The following MID2 variants were observed in gnomAD, a reference collection of about 807,000 sequenced individuals.
MID2 encodes midline 2.
MID2 carries 13 observed loss-of-function variants against 46.1 expected under a neutral mutation model. The observed-to-expected ratio is 0.28, with a 90% CI of 0.18 to 0.45. The LOEUF is 0.45. Ranked by LOEUF, MID2 falls within the 20% of genes least tolerant of loss-of-function variation. The probability of loss-of-function intolerance (pLI) is 1.00; values close to 1 mark genes in which losing one functional copy is unlikely to be tolerated. For synonymous variants in MID2, 199 were observed against 212.3 expected (o/e 0.94, Z 0.55); for missense variants, 431 against 575.4 (o/e 0.75, Z 2.57).
intron 3 of MID2, chrX:107,895,522 C>T (rs1439500535): frequency 8.9e-6 from 1 of 111,969 alleles, no homozygotes; most frequent in African/African-American, 3.2e-5. Flanking sequence ...TTTTTTATTA[C>T]TAAGTAGTAT....
intron 3 of MID2, among the ~76,000 whole-genome samples, chrX:107,855,771 T>A (rs1931726237): frequency 8.9e-6 from 1 of 112,067 alleles, no homozygotes; most frequent in Non-Finnish European, 1.9e-5. Context: ...ATTGAGTTTC[T>A]TCAAGTAGAG....
intron 3 of MID2, among the ~76,000 whole-genome samples, chrX:107,867,686 T>C (rs150334097): frequency 3.6e-5 from 4 of 111,131 alleles, no homozygotes; most frequent in African/African-American, 6.6e-5. Context: ...TAGAAAAGGA[T>C]AGATTTGAAT....
In MID2 at chrX:107,890,440, G is replaced by A. The variant is rs183459887; in HGVS notation, c.817-13518G>A. ...AGAGGCTGCAGAACAGTGGATATTGGTGAACAGCAGATGTTGCTGCCTGAT... is the reference window on the plus strand; with the variant it reads ...AGAGGCTGCAGAACAGTGGATATTGATGAACAGCAGATGTTGCTGCCTGAT... On this transcript the variant is annotated intron_variant, in intron 3 of 9. Transcript: ENST00000262843. 1.3e-4 allele frequency among the ~76,000 whole-genome samples: 15 copies of A among 112,034 alleles called. No homozygotes were observed. The South Asian group carries it at 3.4e-3, about 25-fold the overall frequency.
chrX:107,837,538 TA>T (rs35451756), intron 1 of MID2, among the ~76,000 whole-genome samples: 19,788 of 86,865 alleles, frequency 0.23, 2,289 homozygotes, highest in African/African-American at 0.45. Context: ...ACATGCTGTT[TA>T]AAAAAAAAAA....
At chrX:107,842,805 T>C (rs959387939) in intron 2 of MID2, among the ~76,000 whole-genome samples, 5 of 112,220 alleles carry the variant, frequency 4.5e-5, no homozygotes, top group Admixed American at 2.8e-4. Flanking sequence ...TCATAAGATA[T>C]TAGGCCTTTG....
intron 2 of MID2, among the ~76,000 whole-genome samples, chrX:107,841,791 C>T (rs1931354118): frequency 8.9e-6 from 1 of 112,195 alleles, no homozygotes; most frequent in African/African-American, 3.2e-5. Context: ...AGGTATATGG[C>T]AATGGGAAGG....
At chrX:107,826,559 C>T (rs909613458) in intron 1 of MID2, 129 bp downstream of exon 1, 95 of 841,078 alleles carry the variant, frequency 1.1e-4, no homozygotes, top group Non-Finnish European at 1.3e-4. Context: ...TCCGGCTCGG[C>T]GAGGCAGGGT....
At chrX:107,883,076 T>C (rs1029804726) in intron 3 of MID2, among the ~76,000 whole-genome samples, 2 of 111,506 alleles carry the variant, frequency 1.8e-5, no homozygotes, top group Non-Finnish European at 3.8e-5. Context: ...CTGGAAACCA[T>C]CATTCTCAGC....
intron 2 of MID2, among the ~76,000 whole-genome samples, chrX:107,854,221 A>C (rs1450176052): frequency 1.8e-5 from 2 of 112,140 alleles, no homozygotes; most frequent in African/African-American, 6.5e-5. Flanking sequence ...CATGTGTAAT[A>C]GTTTTCTTAG....
At chrX:107,887,120 TCTC>T (rs1490223766) in intron 3 of MID2, among the ~76,000 whole-genome samples, 1 of 111,414 alleles carries the variant, frequency 9.0e-6, no homozygotes, top group Non-Finnish European at 1.9e-5. Flanking sequence ...TTTATTTCCT[TCTC>T]CTGCCTAATT....
intron 1 of MID2, among the ~76,000 whole-genome samples, chrX:107,831,750 A>C (rs1050693616): frequency 1.8e-5 from 2 of 112,491 alleles, no homozygotes; most frequent in African/African-American, 6.5e-5. Context: ...TTAAAAACTT[A>C]CAAATATTTT....
In MID2 at chrX:107,911,766, G is replaced by A. The variant is rs779998887; in HGVS notation, c.1074-4236G>A. On this transcript the variant is annotated intron_variant, in intron 5 of 9. Transcript: ENST00000262843. ...TTGCTATAGGATTATAAGGCGGAAT[G>A]CTGGCTTTTTATTGATGGACTCCCA... Among the ~76,000 whole-genome samples, 5 of 111,576 alleles carry A rather than the reference G, an allele frequency of 4.5e-5. No individual in the cohort carries two copies. The East Asian group carries it at 8.4e-4, about 19-fold the overall frequency.
chrX:107,843,491 T>A (rs5962898), intron 2 of MID2, among the ~76,000 whole-genome samples: 3,186 of 112,046 alleles, frequency 0.028, 117 homozygotes, highest in African/African-American at 0.098. Flanking sequence ...TTTGAATAGT[T>A]CCCCTTTCAT....
chrX:107,915,647 A>T (rs1452683883), intron 5 of MID2, among the ~76,000 whole-genome samples: 6 of 111,123 alleles, frequency 5.4e-5, no homozygotes, highest in African/African-American at 1.6e-4. Flanking sequence ...AAAAAGAAAA[A>T]TCTCTCTTAA....
At chrX:107,875,081 G>A (rs746346776) in intron 3 of MID2, among the ~76,000 whole-genome samples, 2 of 111,873 alleles carry the variant, frequency 1.8e-5, no homozygotes, top group East Asian at 5.6e-4. Flanking sequence ...GCCCAAACAA[G>A]TGAGGGCTGT....
At chrX:107,919,244 A>G (rs1431573101) in intron 7 of MID2, among the ~76,000 whole-genome samples, 7 of 111,626 alleles carry the variant, frequency 6.3e-5, no homozygotes, top group African/African-American at 2.3e-4. Context: ...TATCTCATTT[A>G]GTCCTTATGG....
intron 2 of MID2, among the ~76,000 whole-genome samples, chrX:107,851,281 A>G (rs982711909): frequency 6.3e-5 from 7 of 110,828 alleles, no homozygotes; most frequent in African/African-American, 1.6e-4. Flanking sequence ...CCATACTCTA[A>G]CCTCAGGATT....
rs1931232642 is a variant in MID2 at position 107,837,487 on chromosome X, G to T, written c.5-3183G>T. Among the ~76,000 whole-genome samples, 5 of 106,136 alleles carry T rather than the reference G, an allele frequency of 4.7e-5. No homozygotes were observed. In the South Asian group the frequency reaches 2.1e-3, roughly 44 times the overall value. The allele number at this position is 106,136 out of a possible 115,157, so 92.2% of individuals were successfully genotyped here. ...TCAGAATGAAATAGGCAGATTCAGAGAAAGTAAGAGAGACAGAGAGAGATA... is the reference window on the plus strand; with the variant it reads ...TCAGAATGAAATAGGCAGATTCAGATAAAGTAAGAGAGACAGAGAGAGATA... On this transcript the variant is annotated intron_variant, in intron 1 of 9. Coordinates refer to ENST00000262843, the MANE Select transcript of MID2 (RefSeq NM_012216.4).
chrX:107,910,318 G>A (rs1288940970), intron 5 of MID2, among the ~76,000 whole-genome samples: 1 of 111,953 alleles, frequency 8.9e-6, no homozygotes. Flanking sequence ...TGCTGTCAAG[G>A]ATAACAGGAT....
Sources: gnomAD v4.1 joint callset for allele counts (sites outside exome capture counted in the v4.1 genomes callset) on GRCh38, gnomAD v4.1.1 for gene constraint, MANE v1.5 for transcripts, NCBI Gene and HGNC (gene_info 2026-07-23, HGNC 2026-07-21) for gene names.